AGL: variants seen among roughly 807,000 people sequenced by gnomAD.
AGL encodes glycogen debranching enzyme.
A neutral mutation model predicts 199.3 loss-of-function variants in AGL; 128 were observed. The observed-to-expected ratio is 0.64, with a 90% CI of 0.56 to 0.74. The LOEUF (loss-of-function observed/expected upper bound fraction) is 0.74. AGL is among the 30% of genes least tolerant of loss of function. AGL has a pLI of 0.00. For synonymous variants in AGL, 584 were observed against 594.7 expected (o/e 0.98, Z 0.26); for missense variants, 1,809 against 1,820.8 (o/e 0.99, Z 0.12).
chr1:99,860,269 A>G (rs1196491265), intron 2 of AGL, among the ~76,000 whole-genome samples: 10 of 151,650 alleles, frequency 6.6e-5, no homozygotes, highest in Non-Finnish European at 1.2e-4. Flanking sequence ...TAAATTATAA[A>G]TAATATATAT....
intron 15 of AGL, 23 bp from the exon 16 acceptor site, chr1:99,881,269 T>C (rs772416297): frequency 6.2e-7 from 1 of 1,613,970 alleles, no homozygotes; most frequent in East Asian, 2.2e-5. Context: ...GATGTATCCA[T>C]GCTAAATTTT....
chr1:99,857,854 A>AGGGGGGGGGGGGGGGG (rs1649691324), intron 2 of AGL, among the ~76,000 whole-genome samples: 2 of 110,646 alleles, frequency 1.8e-5, no homozygotes, highest in Admixed American at 9.4e-5. Context: ...GGGAGGGGGG[A>AGGGGGGGGGGGGGGGG]AGAGGGAGAG....
intron 2 of AGL, among the ~76,000 whole-genome samples, chr1:99,859,170 A>T (rs1042112855): frequency 6.6e-6 from 1 of 152,218 alleles, no homozygotes; most frequent in Non-Finnish European, 1.5e-5. Context: ...TCTCCTAAAG[A>T]TAAATTTAGT....
chr1:99,877,931 G>C (rs1446628039), intron 12 of AGL, 103 bp downstream of exon 12: 2 of 1,107,856 alleles, frequency 1.8e-6, no homozygotes, highest in Admixed American at 1.8e-5. Flanking sequence ...TTGCTAGTTG[G>C]ACACAAGCAT....
At chr1:99,888,221 GGCTCTGCTTCT>G in intron 21 of AGL, 113 bp downstream of exon 21, 1 of 1,371,656 alleles carries the variant, frequency 7.3e-7, no homozygotes. Context: ...TTGCAATTAT[GGCTCTGCTTCT>G]GCTCATTAAT....
At chr1:99,882,773 G>T (rs1301828422) in intron 17 of AGL, among the ~76,000 whole-genome samples, 1 of 152,130 alleles carries the variant, frequency 6.6e-6, no homozygotes. Context: ...TCATGCAGCA[G>T]CTGGCAAAGT....
At chr1:99,898,986 A>G (rs903048795) in intron 25 of AGL, among the ~76,000 whole-genome samples, 1 of 152,082 alleles carries the variant, frequency 6.6e-6, no homozygotes, top group African/African-American at 2.4e-5. Flanking sequence ...GTGGCTCACA[A>G]CTGTAATCAG....
rs781580050 is a variant in AGL, at chr1:99,861,520, C to T, written c.100C>T (p.Arg34Ter). Residue 34 changes from arginine to a stop codon, truncating the protein, a stop_gained, in exon 3 of 34, where the codon CGA becomes TGA. Coordinates refer to ENST00000361915, the MANE Select transcript of AGL (RefSeq NM_000642.3). LOFTEE classifies it high-confidence loss of function. The stretch of plus-strand genomic sequence containing the variant: ...TTATTTAGGGTATGAGCTACAGTTC[C>T]GATTAGGCCCAACTTTACAGGGAAA... ...RLEQGYELQF[R>*]LGPTLQGKAV... is the part of the protein sequence containing the mutation. The T allele has an allele frequency of 9.9e-6, 16 of 1,613,670 alleles. No homozygotes were observed. The highest frequency in any genetic ancestry group is 6.7e-5 in the East Asian group (3 of 44,840).
Position 99,877,596 on chromosome 1 carries a change from C to T in AGL, c.1424-45C>T, listed in dbSNP as rs768748132. On this transcript the variant is annotated intron_variant, in intron 11 of 33. Transcript: ENST00000361915. ...AGTGTTTCCTTGAAGTAATTGTTTT[C>T]ATTTTATTTCTTGAACCATTGAAAG... 6 of 1,568,494 alleles carry T rather than the reference C, an allele frequency of 3.8e-6. No homozygotes were observed. In the South Asian group the frequency reaches 4.4e-5, roughly 12 times the overall value.
Position 99,874,702 on chromosome 1 carries a change from C to T in AGL, c.974C>T (p.Thr325Ile). The change falls in exon 8 of 34, where the codon ACC becomes ATC. Residue 325 changes from threonine to isoleucine, a missense_variant. Transcript: ENST00000361915. ...RLLTQENRRVTKSDPNQHLTI... is the reference protein window; with the variant it reads ...RLLTQENRRVIKSDPNQHLTI... ...TTTCTTTTAGAAAATAGGCGAGTAA[C>T]CAAGTCTGATCCAAACCAACACCTT... The T allele has an allele frequency of 5.0e-6, 8 of 1,593,284 alleles. No individual in the cohort carries two copies. The highest frequency in any genetic ancestry group is 6.9e-6 in the Non-Finnish European group (8 of 1,166,192).
chr1:99,857,933 C>T (rs1460612333), intron 2 of AGL, among the ~76,000 whole-genome samples: 1 of 151,520 alleles, frequency 6.6e-6, no homozygotes, highest in East Asian at 1.9e-4. Flanking sequence ...CATTGAATTA[C>T]GTTAATATAT....
chr1:99,914,322 C>A (rs918697534), intron 30 of AGL, among the ~76,000 whole-genome samples: 1 of 152,212 alleles, frequency 6.6e-6, no homozygotes, highest in African/African-American at 2.4e-5. Flanking sequence ...AACTAGTGAA[C>A]TAAAGTGGAT....
At chr1:99,918,084 A>T (rs531693390) in intron 33 of AGL, among the ~76,000 whole-genome samples, 1 of 152,298 alleles carries the variant, frequency 6.6e-6, no homozygotes, top group Non-Finnish European at 1.5e-5. Context: ...TTGCCTCCTC[A>T]TGATGAATTC....
chr1:99,859,939 AG>A, intron 2 of AGL, among the ~76,000 whole-genome samples: 1 of 152,366 alleles, frequency 6.6e-6, no homozygotes, highest in South Asian at 2.1e-4. Context: ...TTAGATATTT[AG>A]GTTGTTGTCA....
chr1:99,890,114 G>A (rs1205937998), intron 21 of AGL, among the ~76,000 whole-genome samples: 2 of 151,974 alleles, frequency 1.3e-5, no homozygotes, highest in Non-Finnish European at 2.9e-5. Flanking sequence ...GTTCTGTTGG[G>A]TACACCATAT....
chr1:99,869,461 C>G (rs958319098), intron 5 of AGL, among the ~76,000 whole-genome samples: 2 of 152,160 alleles, frequency 1.3e-5, no homozygotes, highest in African/African-American at 2.4e-5. Context: ...TTCATTTCAG[C>G]AGCAGAGCAA....
At chr1:99,888,797 A>AT (rs1652656114) in intron 21 of AGL, among the ~76,000 whole-genome samples, 1 of 152,048 alleles carries the variant, frequency 6.6e-6, no homozygotes, top group Admixed American at 6.6e-5. Flanking sequence ...TCAACTCTTT[A>AT]TTTCTTTCTC....
intron 11 of AGL, among the ~76,000 whole-genome samples, chr1:99,877,041 T>A (rs1022581944): frequency 1.8e-4 from 27 of 152,196 alleles, no homozygotes; most frequent in Admixed American, 1.7e-3. Flanking sequence ...TCACTCTTAG[T>A]GTCTTGTGTT....
intron 2 of AGL, chr1:99,852,450 G>C (rs1649042410): frequency 3.7e-6 from 2 of 541,612 alleles, no homozygotes; most frequent in South Asian, 2.2e-5. Flanking sequence ...GCTCAGTGCT[G>C]CCTCAACTTC....
Sources: allele counts gnomAD v4.1 joint callset (sites outside exome capture counted in the v4.1 genomes callset), GRCh38; gene constraint gnomAD v4.1.1; transcripts MANE v1.5; gene names NCBI Gene and HGNC (gene_info 2026-07-23, HGNC 2026-07-21).